CCDC85A: variants seen among roughly 807,000 people sequenced by gnomAD.
CCDC85A encodes coiled-coil domain containing 85A, also known as coiled-coil domain-containing protein 85A.
CCDC85A carries 38 observed loss-of-function variants against 50.2 expected under a neutral mutation model. The observed-to-expected ratio is 0.76, with a 90% CI of 0.58 to 0.99. CCDC85A has a LOEUF of 0.99. CCDC85A is among the 50% of genes least tolerant of loss of function. CCDC85A has a pLI of 0.00. For synonymous variants in CCDC85A, 366 were observed against 301.4 expected, an observed-to-expected ratio of 1.21 and a Z score of -2.22; for missense variants, 820 against 742.0, an observed-to-expected ratio of 1.11 and a Z score of -1.22.
At chr2:56,191,775 G>A (rs1188408526) in intron 1 of CCDC85A, among the ~76,000 whole-genome samples, 1 of 152,150 alleles carries the variant, frequency 6.6e-6, no homozygotes, top group Non-Finnish European at 1.5e-5. Flanking sequence ...TGGCAAGTAG[G>A]GGTTGGATGT....
In CCDC85A at chr2:56,358,397, T is replaced by A. The variant is rs1445266938; in HGVS notation, c.1318-13947T>A. On this transcript the variant is annotated intron_variant, in intron 3 of 5. Transcript: ENST00000407595. Reference sequence around the variant, plus strand: ...ACATTTGTCTATTTATCACTTATTTTCTGGTTCATTTACTGCTTCCGTTTA... The same window carrying A: ...ACATTTGTCTATTTATCACTTATTTACTGGTTCATTTACTGCTTCCGTTTA... Among the ~76,000 whole-genome samples, 4 of 152,250 alleles carry A rather than the reference T, an allele frequency of 2.6e-5. No homozygotes were observed. In the East Asian group the frequency reaches 7.7e-4, roughly 29 times the overall value.
At chr2:56,229,474 T>C (rs1352556386) in intron 2 of CCDC85A, among the ~76,000 whole-genome samples, 1 of 152,200 alleles carries the variant, frequency 6.6e-6, no homozygotes, top group Non-Finnish European at 1.5e-5. Context: ...CCCACCATTT[T>C]AGACCTTAGT....
At chr2:56,200,270 C>A (rs59948236) in intron 2 of CCDC85A, among the ~76,000 whole-genome samples, 6,596 of 152,248 alleles carry the variant, frequency 0.043, 484 homozygotes, top group African/African-American at 0.15. Context: ...TTGGTATAAC[C>A]AAGTTGCCCT....
chr2:56,357,585 G>C (rs999103165), intron 3 of CCDC85A, among the ~76,000 whole-genome samples: 7 of 148,634 alleles, frequency 4.7e-5, no homozygotes, highest in African/African-American at 1.7e-4. Context: ...TTCAGTGTGT[G>C]TTCAGTATCT....
chr2:56,251,950 G>A (rs955630690), intron 2 of CCDC85A, among the ~76,000 whole-genome samples: 26 of 151,270 alleles, frequency 1.7e-4, no homozygotes, highest in Admixed American at 1.3e-3. Context: ...TGTGCACAAC[G>A]TGCAGGTTTG....
intron 2 of CCDC85A, among the ~76,000 whole-genome samples, chr2:56,195,271 A>G (rs1422962324): frequency 6.6e-6 from 1 of 152,248 alleles, no homozygotes; most frequent in Admixed American, 6.5e-5. Context: ...CATTGTAGGT[A>G]AGGTGCATCT....
chr2:56,302,324 A>T (rs1672248004), intron 2 of CCDC85A, among the ~76,000 whole-genome samples: 1 of 152,160 alleles, frequency 6.6e-6, no homozygotes, highest in Non-Finnish European at 1.5e-5. Context: ...TTAAAGTGAA[A>T]GATTTGTTTC....
intron 2 of CCDC85A, among the ~76,000 whole-genome samples, chr2:56,266,722 G>A (rs1215794426): frequency 3.3e-5 from 5 of 151,832 alleles, no homozygotes; most frequent in Admixed American, 2.6e-4. Flanking sequence ...GTCAGCTTCC[G>A]GATTACTGTT....
rs1297871804 is a variant in CCDC85A, at chr2:56,363,801, A to G, written c.1318-8543A>G. Among the ~76,000 whole-genome samples the G allele has an allele frequency of 5.9e-5, 9 of 152,206 alleles. 1 individual carries two copies. The highest frequency in any genetic ancestry group is 1.9e-4 in the African/African-American group (8 of 41,458). On this transcript the variant is annotated intron_variant, in intron 3 of 5. Transcript: ENST00000407595. ...GGCTCTGGTCTGCAAGTCAGATGCA[A>G]TGTTAATTAGCATTACTTCTTTGCC...
Position 56,336,681 on chromosome 2 carries a change from C to T in CCDC85A, c.1241-6198C>T, listed in dbSNP as rs148429910. On this transcript the variant is annotated intron_variant, in intron 2 of 5. Transcript: ENST00000407595. The stretch of plus-strand genomic sequence containing the variant: ...CAAGGATAGGTGTTCTGTAGGGTAA[C>T]ACTGCCTTAGAAACAAAAGGGAAGT... Among the ~76,000 whole-genome samples, 1,030 of 152,260 alleles carry T rather than the reference C, an allele frequency of 6.8e-3. 33 individuals are homozygous for T. Among genetic ancestry groups the T allele is most frequent in the Admixed American group, 0.056 (854 of 15,298 alleles).
At chr2:56,307,827 G>T (rs919447898) in intron 2 of CCDC85A, among the ~76,000 whole-genome samples, 2 of 152,196 alleles carry the variant, frequency 1.3e-5, no homozygotes, top group Non-Finnish European at 2.9e-5. Flanking sequence ...GGTGGGTATG[G>T]ACAAGTGGAT....
chr2:56,217,485 A>T (rs543325725), intron 2 of CCDC85A, among the ~76,000 whole-genome samples: 2 of 151,870 alleles, frequency 1.3e-5, no homozygotes, highest in African/African-American at 4.8e-5. Flanking sequence ...ATTCCTTTGT[A>T]TAGCCATTTT....
intron 2 of CCDC85A, among the ~76,000 whole-genome samples, chr2:56,322,399 C>T (rs1012321851): frequency 1.3e-5 from 2 of 152,126 alleles, no homozygotes; most frequent in African/African-American, 2.4e-5. Context: ...ACTCATCTGA[C>T]AAAGGGCTAG....
intron 2 of CCDC85A, among the ~76,000 whole-genome samples, chr2:56,268,734 A>G (rs914068573): frequency 6.6e-6 from 1 of 152,156 alleles, no homozygotes; most frequent in Non-Finnish European, 1.5e-5. Context: ...AGATTGTATA[A>G]TGTTTTAAAT....
chr2:56,184,147 C>A lies in CCDC85A; in HGVS notation c.-478C>A. On this transcript the variant is annotated 5_prime_UTR_variant, in exon 1 of 6. Transcript: ENST00000407595. The stretch of plus-strand genomic sequence containing the variant: ...GGCGCCGCGGTGCCCGGCGCGCCCT[C>A]CAAGCTAGGAGAGGGGAGAAGCCGG... 1.0e-6 allele frequency: 1 copy of A among 985,848 alleles called. No homozygotes were observed. Among genetic ancestry groups the A allele is most frequent in the Non-Finnish European group, 1.2e-6 (1 of 830,392 alleles). 61.1% of individuals were successfully genotyped at this position (985,848 alleles called of 1,614,324 possible).
chr2:56,280,774 TTCTC>T (rs151254450), intron 2 of CCDC85A, among the ~76,000 whole-genome samples: 1 of 151,996 alleles, frequency 6.6e-6, no homozygotes, highest in African/African-American at 2.4e-5. Flanking sequence ...TTCTGGCCCA[TTCTC>T]TCTCTCTCCC....
chr2:56,372,197 T>A lies in CCDC85A; in HGVS notation c.1318-147T>A, dbSNP rs1379285226. ...GGACTTCAGATTGTTTTTATTTTTA[T>A]TTTTTCCCTAGCTACAGGTGCATGT... On this transcript the variant is annotated intron_variant, in intron 3 of 5. Coordinates refer to ENST00000407595, the MANE Select transcript of CCDC85A (RefSeq NM_001080433.2). 5 of 693,612 alleles carry A rather than the reference T, an allele frequency of 7.2e-6. No homozygotes were observed. The East Asian group carries it at 1.3e-4, about 18-fold the overall frequency. The allele number at this position is 693,612 out of a possible 1,614,324, so 43.0% of individuals were successfully genotyped here. A position where few individuals can be genotyped will look rare whatever the true frequency, so the allele number is the denominator to read the frequency against.
At chr2:56,285,303 C>T (rs1458455441) in intron 2 of CCDC85A, among the ~76,000 whole-genome samples, 1 of 151,210 alleles carries the variant, frequency 6.6e-6, no homozygotes, top group African/African-American at 2.4e-5. Flanking sequence ...GGGGTTTCAC[C>T]ATGTTGGCCA....
At chr2:56,356,009 G>A (rs1172243943) in intron 3 of CCDC85A, among the ~76,000 whole-genome samples, 2 of 152,216 alleles carry the variant, frequency 1.3e-5, no homozygotes, top group Admixed American at 6.5e-5. Flanking sequence ...ACCAAGGCAG[G>A]TGTGTCTTAA....
Sources: allele counts gnomAD v4.1 joint callset (sites outside exome capture counted in the v4.1 genomes callset), GRCh38; gene constraint gnomAD v4.1.1; transcripts MANE v1.5; gene names NCBI Gene and HGNC (gene_info 2026-07-23, HGNC 2026-07-21).